Variants in CYRIA observed in about 807,000 individuals in gnomAD.
CYRIA encodes CYFIP-related Rac1 interactor A.
In CYRIA, 15 loss-of-function variants were observed where a neutral mutation model predicts 43.9. The ratio of observed to expected loss-of-function variants is 0.34; its 90% CI spans 0.23 to 0.53. CYRIA has a LOEUF of 0.53. Among genes scored for constraint, CYRIA ranks in the 20% least tolerant of loss-of-function variants. The pLI is 0.94. For synonymous variants in CYRIA, 117 were observed against 136.0 expected (o/e 0.86, Z 0.97); for missense variants, 236 against 394.2 (o/e 0.60, Z 3.40).
At chr2:16,560,411 G>A (rs116063129) in intron 9 of CYRIA, among the ~76,000 whole-genome samples, 60 of 152,260 alleles carry the variant, frequency 3.9e-4, no homozygotes, top group African/African-American at 1.4e-3. Context: ...GGAACCCGAG[G>A]CTCAGGAAGT....
At chr2:16,610,740 G>A (rs1487724856) in intron 2 of CYRIA, among the ~76,000 whole-genome samples, 1 of 151,704 alleles carries the variant, frequency 6.6e-6, no homozygotes, top group Admixed American at 6.6e-5. Context: ...CAAAATTTCT[G>A]TAGAGTTGGC....
chr2:16,554,103 C>G (rs764814368), intron 11 of CYRIA, among the ~76,000 whole-genome samples: 35 of 151,958 alleles, frequency 2.3e-4, no homozygotes, highest in Non-Finnish European at 4.6e-4. Context: ...ATCACCCTTA[C>G]CTCTCTGACT....
intron 1 of CYRIA, among the ~76,000 whole-genome samples, chr2:16,629,627 G>T (rs1428144199): frequency 2.0e-5 from 3 of 152,228 alleles, no homozygotes; most frequent in Non-Finnish European, 4.4e-5. Context: ...GAAACTGGCA[G>T]GGCTCTTGGA....
intron 1 of CYRIA, among the ~76,000 whole-genome samples, chr2:16,629,549 A>G (rs1250173300): frequency 6.6e-6 from 1 of 152,202 alleles, no homozygotes; most frequent in Non-Finnish European, 1.5e-5. Flanking sequence ...ATCATGGAGC[A>G]TCATAGGACC....
At chr2:16,588,429 TA>T (rs74552750) in intron 2 of CYRIA, among the ~76,000 whole-genome samples, 2,865 of 140,208 alleles carry the variant, frequency 0.02, 33 homozygotes, top group South Asian at 0.04. Context: ...GTTCACCATA[TA>T]AAAAAAAAAA....
At chr2:16,556,122 C>A (rs1666504932) in intron 10 of CYRIA, among the ~76,000 whole-genome samples, 1 of 152,000 alleles carries the variant, frequency 6.6e-6, no homozygotes, top group African/African-American at 2.4e-5. Flanking sequence ...TACTTAGGGC[C>A]CCTTTTGTAA....
At chr2:16,645,306 A>G (rs1318525303) in intron 1 of CYRIA, among the ~76,000 whole-genome samples, 3 of 151,098 alleles carry the variant, frequency 2.0e-5, no homozygotes, top group Non-Finnish European at 2.9e-5. Flanking sequence ...GCTAAAACAA[A>G]GGTATGGCAT....
chr2:16,557,580 C>A (rs1666571268), intron 10 of CYRIA, among the ~76,000 whole-genome samples: 2 of 152,070 alleles, frequency 1.3e-5, no homozygotes, highest in African/African-American at 4.8e-5. Flanking sequence ...GTTTACCGTG[C>A]TTATTAAGCC....
At chr2:16,610,903 T>TAA (rs1668571504) in intron 2 of CYRIA, among the ~76,000 whole-genome samples, 1 of 55,202 alleles carries the variant, frequency 1.8e-5, no homozygotes, top group African/African-American at 1.3e-4. Flanking sequence ...CCAACATATA[T>TAA]ATATATATAT....
chr2:16,610,102 C>T (rs193153780), intron 2 of CYRIA, among the ~76,000 whole-genome samples: 21 of 152,334 alleles, frequency 1.4e-4, no homozygotes, highest in Admixed American at 1.3e-3. Flanking sequence ...ATAATAATAA[C>T]TTCCACAGAC....
intron 1 of CYRIA, among the ~76,000 whole-genome samples, chr2:16,630,110 T>C (rs755750407): frequency 3.3e-5 from 5 of 152,174 alleles, no homozygotes; most frequent in Non-Finnish European, 5.9e-5. Flanking sequence ...AGGCATGGTC[T>C]AGACATCACC....
intron 1 of CYRIA, among the ~76,000 whole-genome samples, chr2:16,652,541 G>A (rs766424474): frequency 2.0e-5 from 3 of 152,228 alleles, no homozygotes; most frequent in Non-Finnish European, 4.4e-5. Flanking sequence ...GAAAGGCCCT[G>A]CCAGGGGAGG....
chr2:16,568,125 A>G (rs575233163), intron 3 of CYRIA, among the ~76,000 whole-genome samples: 1 of 152,092 alleles, frequency 6.6e-6, no homozygotes, highest in Non-Finnish European at 1.5e-5. Flanking sequence ...TTAAATGCCC[A>G]CATGGTGCAA....
chr2:16,617,644 G>A (rs544845393), intron 2 of CYRIA, among the ~76,000 whole-genome samples: 15 of 152,364 alleles, frequency 9.8e-5, no homozygotes, highest in African/African-American at 3.1e-4. Flanking sequence ...CAGATCAGCT[G>A]TTGTCTGTTG....
intron 1 of CYRIA, among the ~76,000 whole-genome samples, chr2:16,640,202 T>A (rs1022361442): frequency 1.3e-5 from 2 of 152,190 alleles, no homozygotes; most frequent in African/African-American, 2.4e-5. Flanking sequence ...ATCCTACCAA[T>A]GCCGACTAGA....
chr2:16,585,860 A>G (rs1377996821), intron 3 of CYRIA, among the ~76,000 whole-genome samples: 1 of 152,140 alleles, frequency 6.6e-6, no homozygotes, highest in Non-Finnish European at 1.5e-5. Flanking sequence ...AGACTCAGAA[A>G]TCTGATGCTC....
intron 3 of CYRIA, among the ~76,000 whole-genome samples, chr2:16,571,423 G>C (rs1667123473): frequency 6.6e-6 from 1 of 152,212 alleles, no homozygotes; most frequent in Non-Finnish European, 1.5e-5. Flanking sequence ...CGGTGAACCT[G>C]CCACAGGGCA....
chr2:16,641,706 C>T (rs1000609113), intron 1 of CYRIA, among the ~76,000 whole-genome samples: 2 of 152,176 alleles, frequency 1.3e-5, no homozygotes, highest in Non-Finnish European at 2.9e-5. Context: ...CACAAGTGAG[C>T]GTGCCTGCAG....
At chr2:16,633,642 C>T (rs66929091) in intron 1 of CYRIA, among the ~76,000 whole-genome samples, 5,880 of 144,362 alleles carry the variant, frequency 0.041, 139 homozygotes, top group Middle Eastern at 0.12. Flanking sequence ...CAGCCTCCCA[C>T]GGTGCTGGGA....
Sources: gnomAD v4.1 joint callset for allele counts (sites outside exome capture counted in the v4.1 genomes callset) on GRCh38, gnomAD v4.1.1 for gene constraint, MANE v1.5 for transcripts, NCBI Gene and HGNC (gene_info 2026-07-23, HGNC 2026-07-21) for gene names.